The following MLLT10 variants were observed in gnomAD, a reference collection of about 807,000 sequenced individuals.
The protein encoded by MLLT10 is MLLT10 histone lysine methyltransferase DOT1L cofactor, also known as protein AF-10.
A neutral mutation model predicts 129.1 loss-of-function variants in MLLT10; 30 were observed. That is an observed-to-expected ratio of 0.23 (90% CI 0.17 to 0.32). The LOEUF (loss-of-function observed/expected upper bound fraction) is 0.32. Among genes scored for constraint, MLLT10 ranks in the 10% least tolerant of loss-of-function variants. MLLT10 has a pLI of 1.00. For missense variants in MLLT10, 1,119 were observed against 1,268.3 expected, an observed-to-expected ratio of 0.88 and a Z score of 1.79; for synonymous variants, 490 against 446.4, an observed-to-expected ratio of 1.10 and a Z score of -1.23.
At chr10:21,686,982 C>CATAA (rs766607017) in intron 13 of MLLT10, among the ~76,000 whole-genome samples, 330 of 152,160 alleles carry the variant, frequency 2.2e-3, no homozygotes, top group Non-Finnish European at 3.5e-3. Context: ...GACTCTGCTT[C>CATAA]ATAAATAAAT....
At position 21,731,073 on chromosome 10, in the gene MLLT10, A is replaced by T; in HGVS notation, c.2218+19A>T. 6.3e-7 allele frequency: 1 copy of T among 1,593,072 alleles called. No individual in the cohort carries two copies. The highest frequency in any genetic ancestry group is 8.5e-7 in the Non-Finnish European group (1 of 1,170,846). On this transcript the variant is annotated intron_variant, in intron 17 of 22. Coordinates refer to ENST00000307729, the MANE Select transcript of MLLT10 (RefSeq NM_001195626.3). ...AGTGACAGTAAGTATTCATTTTCTT[A>T]TATGTGAATCAAGACAGATGGGCAG...
intron 13 of MLLT10, among the ~76,000 whole-genome samples, chr10:21,706,970 G>A (rs7904218): frequency 0.044 from 6,610 of 151,888 alleles, 496 homozygotes; most frequent in African/African-American, 0.15. Context: ...TTATCTTACT[G>A]GTGTCAATTT....
intron 4 of MLLT10, among the ~76,000 whole-genome samples, chr10:21,589,035 C>G (rs985079984): frequency 2.6e-5 from 4 of 151,846 alleles, no homozygotes; most frequent in African/African-American, 9.7e-5. Context: ...CCTTGGCCTC[C>G]CAAAGTGATG....
At chr10:21,638,845 G>GAGGA (rs1191616271) in intron 8 of MLLT10, among the ~76,000 whole-genome samples, 1 of 152,126 alleles carries the variant, frequency 6.6e-6, no homozygotes, top group East Asian at 1.9e-4. Flanking sequence ...CCAGATTGGT[G>GAGGA]AGGAAGTCCT....
intron 13 of MLLT10, chr10:21,688,405 A>G: frequency 9.1e-7 from 1 of 1,097,540 alleles, no homozygotes. Flanking sequence ...CCATCATAAT[A>G]TCTTCAGTTT....
intron 4 of MLLT10, among the ~76,000 whole-genome samples, chr10:21,592,778 T>C (rs896185998): frequency 2.6e-5 from 4 of 152,128 alleles, no homozygotes; most frequent in Non-Finnish European, 2.9e-5. Context: ...TTCTGTAGTT[T>C]TATTGTCTCT....
chr10:21,620,518 T>C (rs546129171), intron 8 of MLLT10, among the ~76,000 whole-genome samples: 19 of 152,194 alleles, frequency 1.2e-4, no homozygotes, highest in Non-Finnish European at 2.4e-4. Flanking sequence ...TATTTTCAGC[T>C]TATGATGGGG....
chr10:21,581,374 T>A (rs2041437316), intron 3 of MLLT10, among the ~76,000 whole-genome samples: 1 of 151,624 alleles, frequency 6.6e-6, no homozygotes, highest in Non-Finnish European at 1.5e-5. Context: ...ATAGAAAAGG[T>A]ACAGCTAAAA....
At chr10:21,543,564 C>T (rs1236695564) in intron 3 of MLLT10, among the ~76,000 whole-genome samples, 1 of 152,020 alleles carries the variant, frequency 6.6e-6, no homozygotes, top group Non-Finnish European at 1.5e-5. Context: ...CTGCAACCTC[C>T]GCCTCCCGGG....
chr10:21,594,553 C>CA (rs34844830), intron 4 of MLLT10, among the ~76,000 whole-genome samples: 2,106 of 57,116 alleles, frequency 0.037, 74 homozygotes, highest in Admixed American at 0.083. Flanking sequence ...AACTCTGTCT[C>CA]AAAAAAAAAA....
intron 3 of MLLT10, among the ~76,000 whole-genome samples, chr10:21,584,866 G>A (rs2041851145): frequency 6.6e-6 from 1 of 150,964 alleles, no homozygotes; most frequent in Non-Finnish European, 1.5e-5. Context: ...ATGTGTGTAT[G>A]TACGTGTGTG....
chr10:21,563,384 G>A (rs1311898250), intron 3 of MLLT10, among the ~76,000 whole-genome samples: 1 of 152,024 alleles, frequency 6.6e-6, no homozygotes, highest in Non-Finnish European at 1.5e-5. Context: ...TTAGCCAGGT[G>A]TGATGGCGGG....
At chr10:21,741,072 T>TA (rs1158695275) in intron 22 of MLLT10, among the ~76,000 whole-genome samples, 12 of 152,226 alleles carry the variant, frequency 7.9e-5, no homozygotes, top group African/African-American at 2.7e-4. Flanking sequence ...ACTGTGCTTT[T>TA]AGTCTTCAGA....
chr10:21,587,647 C>T (rs2042113998), intron 4 of MLLT10, among the ~76,000 whole-genome samples: 1 of 152,088 alleles, frequency 6.6e-6, no homozygotes, highest in Non-Finnish European at 1.5e-5. Flanking sequence ...GCTGCTATTA[C>T]TACTATACTC....
chr10:21,740,158 A>AC lies in MLLT10; in HGVS notation c.3085dup (p.Gln1029ProfsTer20). On this transcript the variant is annotated frameshift_variant, in exon 22 of 23. Transcript: ENST00000307729. LOFTEE classifies it high-confidence loss of function. ...CCATAAACAACCTTCTTGCAGGTAC[A>AC]CAGGCACCCCCACTTCACACAGCTA... 6.2e-7 allele frequency: 1 copy of AC among 1,614,214 alleles called. No individual in the cohort carries two copies. The highest frequency in any genetic ancestry group is 8.5e-7 in the Non-Finnish European group (1 of 1,180,042).
At chr10:21,566,976 G>T (rs1240902327) in intron 3 of MLLT10, among the ~76,000 whole-genome samples, 5 of 151,912 alleles carry the variant, frequency 3.3e-5, no homozygotes, top group Non-Finnish European at 7.4e-5. Context: ...ACCACACCTG[G>T]CTAATTTTGT....
At chr10:21,699,515 T>C (rs972355740) in intron 13 of MLLT10, among the ~76,000 whole-genome samples, 7 of 152,190 alleles carry the variant, frequency 4.6e-5, no homozygotes, top group African/African-American at 1.2e-4. Context: ...TCAGGTCTTA[T>C]GTTTAAGTCT....
At chr10:21,600,769 T>G (rs2043448603) in intron 5 of MLLT10, among the ~76,000 whole-genome samples, 2 of 152,214 alleles carry the variant, frequency 1.3e-5, no homozygotes, top group Non-Finnish European at 2.9e-5. Flanking sequence ...CAGCTGATTC[T>G]CATTTTGAAA....
At chr10:21,721,910 T>TA (rs1413033983) in intron 14 of MLLT10, among the ~76,000 whole-genome samples, 10 of 152,194 alleles carry the variant, frequency 6.6e-5, no homozygotes, top group African/African-American at 2.4e-4. Flanking sequence ...ACTAGAGTGT[T>TA]ACAATAAATG....
Sources: allele counts gnomAD v4.1 joint callset (sites outside exome capture counted in the v4.1 genomes callset), GRCh38; gene constraint gnomAD v4.1.1; transcripts MANE v1.5; gene names NCBI Gene and HGNC (gene_info 2026-07-23, HGNC 2026-07-21).